CDH13: variants seen among roughly 807,000 people sequenced by gnomAD.
CDH13 encodes the protein cadherin 13.
CDH13 carries 24 observed loss-of-function variants against 63.8 expected under a neutral mutation model. That is an observed-to-expected ratio of 0.38 (90% CI 0.27 to 0.53). The LOEUF (loss-of-function observed/expected upper bound fraction) is 0.53. Ranked by LOEUF, CDH13 falls within the 20% of genes least tolerant of loss-of-function variation. The pLI, the probability that CDH13 is intolerant of heterozygous loss-of-function variation, is 0.85. For synonymous variants in CDH13, 503 were observed against 355.3 expected (o/e 1.42, Z -4.67); for missense variants, 1,049 against 903.1 (o/e 1.16, Z -2.07).
chr16:82,861,967 C>T (rs1051545907), intron 2 of CDH13, among the ~76,000 whole-genome samples: 1 of 152,212 alleles, frequency 6.6e-6, no homozygotes, highest in South Asian at 2.1e-4. Context: ...AAATGTGATT[C>T]TTCCCATTTG....
chr16:82,705,141 C>G, intron 1 of CDH13: 1 of 456,032 alleles, frequency 2.2e-6, no homozygotes, highest in Non-Finnish European at 4.4e-6. Flanking sequence ...AACAGTCTTG[C>G]TGACCACAAA....
chr16:83,275,199 C>T (rs2088948988), intron 5 of CDH13, among the ~76,000 whole-genome samples: 1 of 152,156 alleles, frequency 6.6e-6, no homozygotes, highest in African/African-American at 2.4e-5. Flanking sequence ...TGTTCAAGGC[C>T]TTAAGCAGCT....
intron 7 of CDH13, among the ~76,000 whole-genome samples, chr16:83,531,372 A>T (rs2075078999): frequency 6.6e-6 from 1 of 152,218 alleles, no homozygotes; most frequent in Admixed American, 6.5e-5. Flanking sequence ...TGGCTCCCCC[A>T]GACACCCAAG....
intron 8 of CDH13, among the ~76,000 whole-genome samples, chr16:83,662,943 T>G (rs1236832507): frequency 6.6e-6 from 1 of 152,216 alleles, no homozygotes; most frequent in Non-Finnish European, 1.5e-5. Flanking sequence ...CCTATTTGTC[T>G]TTTGTCTTTG....
At chr16:83,569,874 C>A (rs12925415) in intron 7 of CDH13, among the ~76,000 whole-genome samples, 51,859 of 151,954 alleles carry the variant, frequency 0.34, 8,967 homozygotes, top group Middle Eastern at 0.42. Flanking sequence ...GTAGCTGGGA[C>A]TACAGGTGCA....
intron 1 of CDH13, among the ~76,000 whole-genome samples, chr16:82,675,948 G>T (rs1186097778): frequency 6.6e-6 from 1 of 152,146 alleles, no homozygotes; most frequent in Non-Finnish European, 1.5e-5. Context: ...CCTCTTTTCT[G>T]CCTCCCTGTG....
chr16:82,804,184 C>CTCCA (rs372897266), intron 1 of CDH13, among the ~76,000 whole-genome samples: 1 of 150,948 alleles, frequency 6.6e-6, no homozygotes, highest in African/African-American at 2.5e-5. Context: ...GCTGAGATCA[C>CTCCA]GCTACTGCAC....
intron 8 of CDH13, among the ~76,000 whole-genome samples, chr16:83,645,320 T>G (rs1371274349): frequency 6.6e-6 from 1 of 152,202 alleles, no homozygotes; most frequent in African/African-American, 2.4e-5. Flanking sequence ...CTGCATGTTC[T>G]CACTTGTAAG....
At chr16:82,933,005 C>G (rs2042547927) in intron 2 of CDH13, among the ~76,000 whole-genome samples, 1 of 152,014 alleles carries the variant, frequency 6.6e-6, no homozygotes. Context: ...TATTGACTTA[C>G]CAATTTCATA....
intron 1 of CDH13, among the ~76,000 whole-genome samples, chr16:82,771,923 T>TATTTATAACTC (rs1425796731): frequency 2.0e-5 from 3 of 152,152 alleles, no homozygotes; most frequent in African/African-American, 7.2e-5. Context: ...GCAACTTGAG[T>TATTTATAACTC]ATTTATAACT....
intron 8 of CDH13, among the ~76,000 whole-genome samples, chr16:83,652,435 G>A (rs1362518019): frequency 6.6e-6 from 1 of 152,142 alleles, no homozygotes; most frequent in African/African-American, 2.4e-5. Context: ...GTGCCATGCT[G>A]GGGGTGGGAT....
chr16:83,748,939 T>C (rs1358903315), intron 11 of CDH13, among the ~76,000 whole-genome samples: 1 of 152,026 alleles, frequency 6.6e-6, no homozygotes, highest in Non-Finnish European at 1.5e-5. Context: ...CTTAGGAGAG[T>C]GCATGGTAAT....
chr16:82,860,384 T>TGGGGGGGGGGGGGGG (rs1197091420), intron 2 of CDH13, among the ~76,000 whole-genome samples: 1 of 29,562 alleles, frequency 3.4e-5, no homozygotes, highest in Admixed American at 3.8e-4. Context: ...TGTGTGTGTG[T>TGGGGGGGGGGGGGGG]GTGTGGGGGG....
At chr16:82,725,265 T>C (rs2033030212) in intron 1 of CDH13, among the ~76,000 whole-genome samples, 1 of 152,216 alleles carries the variant, frequency 6.6e-6, no homozygotes, top group African/African-American at 2.4e-5. Flanking sequence ...ATACTCGTTA[T>C]TGTCTCTCAA....
At chr16:83,339,005 A>G (rs79780526) in intron 5 of CDH13, among the ~76,000 whole-genome samples, 10,660 of 152,258 alleles carry the variant, frequency 0.07, 528 homozygotes, top group Non-Finnish European at 0.11. Context: ...AGCCCTATAG[A>G]AAACAGATGG....
chr16:83,592,744 T>A lies in CDH13; in HGVS notation c.961-9710T>A, dbSNP rs117354046. Among the ~76,000 whole-genome samples, 1,433 of 152,198 alleles carry A rather than the reference T, an allele frequency of 9.4e-3. 11 individuals carry two copies. The highest frequency in any genetic ancestry group is 0.053 in the East Asian group (274 of 5,176). ...TGGAGAAATGAGCGCTGCCTTCTCC[T>A]TGCCCACCAGCCCCCAGCCACGAAT... On this transcript the variant is annotated intron_variant, in intron 7 of 13. Transcript: ENST00000567109.
intron 1 of CDH13, among the ~76,000 whole-genome samples, chr16:82,734,435 C>T (rs1172164623): frequency 1.3e-5 from 2 of 152,134 alleles, no homozygotes; most frequent in Non-Finnish European, 2.9e-5. Flanking sequence ...TTTGAGGAGG[C>T]AGGTGCGCCT....
At chr16:83,331,849 A>G (rs1055269763) in intron 5 of CDH13, among the ~76,000 whole-genome samples, 4 of 152,062 alleles carry the variant, frequency 2.6e-5, no homozygotes, top group Admixed American at 1.3e-4. Flanking sequence ...TCTTTCATCA[A>G]TCTTTTATAA....
chr16:83,121,775 A>AGT (rs1409156299), intron 3 of CDH13, among the ~76,000 whole-genome samples: 1 of 152,198 alleles, frequency 6.6e-6, no homozygotes, highest in Non-Finnish European at 1.5e-5. Context: ...AAAATTACTG[A>AGT]GTGAAGGGAT....
Sources: gnomAD v4.1 joint callset for allele counts (sites outside exome capture counted in the v4.1 genomes callset) on GRCh38, gnomAD v4.1.1 for gene constraint, MANE v1.5 for transcripts, NCBI Gene and HGNC (gene_info 2026-07-23, HGNC 2026-07-21) for gene names.